Variants in SCHIP1 observed in about 807,000 individuals in gnomAD.
The protein encoded by SCHIP1 is schwannomin-interacting protein 1.
A neutral mutation model predicts 29.7 loss-of-function variants in SCHIP1; 8 were observed. That is an observed-to-expected ratio of 0.27 (90% CI 0.16 to 0.49). SCHIP1 has a LOEUF of 0.49. Ranked by LOEUF, SCHIP1 falls within the 20% of genes least tolerant of loss-of-function variation. The pLI is 0.99. For synonymous variants in SCHIP1, 76 were observed against 94.9 expected (o/e 0.80, Z 1.16); for missense variants, 193 against 294.6 (o/e 0.66, Z 2.52).
At chr3:159,640,509 C>T in the SCHIP1 span, among the ~76,000 whole-genome samples, 7,178 of 152,148 alleles carry the variant, frequency 0.047, 211 homozygotes, top group Non-Finnish European at 0.076. Context: ...CCATATATGG[C>T]CAGATTAGAT....
chr3:159,681,765 T>G, the SCHIP1 span, among the ~76,000 whole-genome samples: 1 of 151,882 alleles, frequency 6.6e-6, no homozygotes, highest in Non-Finnish European at 1.5e-5. Context: ...CCAATGTAGA[T>G]TAACTTGGTT....
chr3:159,646,389 A>C, the SCHIP1 span, among the ~76,000 whole-genome samples: 45 of 152,202 alleles, frequency 3.0e-4, no homozygotes, highest in Non-Finnish European at 5.9e-4. Context: ...GGCTCTCTAC[A>C]TGCAGTCTTT....
the SCHIP1 span, among the ~76,000 whole-genome samples, chr3:159,700,412 A>G: frequency 6.6e-6 from 1 of 152,252 alleles, no homozygotes; most frequent in Non-Finnish European, 1.5e-5. Flanking sequence ...AAAAATCAAT[A>G]GTTGGTGTAA....
chr3:159,358,981 G>C, the SCHIP1 span, among the ~76,000 whole-genome samples: 1 of 136,432 alleles, frequency 7.3e-6, no homozygotes, highest in Non-Finnish European at 1.5e-5. Flanking sequence ...AGGCTGGAGT[G>C]CAGTGTCCCA....
At chr3:159,406,804 C>T in the SCHIP1 span, among the ~76,000 whole-genome samples, 2,496 of 152,136 alleles carry the variant, frequency 0.016, 55 homozygotes, top group African/African-American at 0.056. Flanking sequence ...TGTTTGTTTA[C>T]GCAGTGTTAA....
chr3:159,889,639 T>A (rs1717294342), intron 5 of SCHIP1, among the ~76,000 whole-genome samples: 1 of 152,200 alleles, frequency 6.6e-6, no homozygotes, highest in East Asian at 1.9e-4. Context: ...TATTACAGAT[T>A]AAAAGAAATT....
At chr3:159,895,659 G>A (rs533958300) in intron 6 of SCHIP1, among the ~76,000 whole-genome samples, 2 of 152,168 alleles carry the variant, frequency 1.3e-5, no homozygotes, top group South Asian at 4.2e-4. Flanking sequence ...GGGTTCACAG[G>A]TCATAATAGA....
chr3:159,410,384 A>G, the SCHIP1 span, among the ~76,000 whole-genome samples: 6 of 152,188 alleles, frequency 3.9e-5, no homozygotes, highest in Non-Finnish European at 5.9e-5. Flanking sequence ...CCAATCTGAC[A>G]AGGGATTAAT....
the SCHIP1 span, among the ~76,000 whole-genome samples, chr3:159,701,954 C>T: frequency 6.6e-6 from 1 of 152,100 alleles, no homozygotes; most frequent in African/African-American, 2.4e-5. Flanking sequence ...AGCTTGGTCT[C>T]AATTTACTCA....
the SCHIP1 span, among the ~76,000 whole-genome samples, chr3:159,470,428 C>CA: frequency 6.6e-6 from 1 of 152,054 alleles, no homozygotes; most frequent in African/African-American, 2.4e-5. Flanking sequence ...GATGAATACA[C>CA]AAAAATCTGC....
the SCHIP1 span, among the ~76,000 whole-genome samples, chr3:159,547,275 T>C: frequency 3.9e-5 from 6 of 152,216 alleles, no homozygotes; most frequent in Non-Finnish European, 7.3e-5. Context: ...GGCTGTTTTC[T>C]TCTTGTAAAT....
At chr3:159,810,111 T>C in the SCHIP1 span, among the ~76,000 whole-genome samples, 5 of 152,346 alleles carry the variant, frequency 3.3e-5, no homozygotes, top group South Asian at 1.0e-3. Flanking sequence ...AGTGGCGTGA[T>C]CTCAGCTCAC....
At chr3:159,571,572 A>T in the SCHIP1 span, among the ~76,000 whole-genome samples, 1 of 152,126 alleles carries the variant, frequency 6.6e-6, no homozygotes, top group Non-Finnish European at 1.5e-5. Flanking sequence ...TTCATCAGGG[A>T]TATTGATCTA....
the SCHIP1 span, among the ~76,000 whole-genome samples, chr3:159,784,285 G>T: frequency 6.6e-6 from 1 of 152,218 alleles, no homozygotes; most frequent in Non-Finnish European, 1.5e-5. Flanking sequence ...ATCTGGTCAT[G>T]GGTTAGCAGA....
intron 1 of SCHIP1, among the ~76,000 whole-genome samples, chr3:159,843,548 T>C (rs6788052): frequency 0.77 from 116,571 of 151,792 alleles, 45,871 homozygotes; most frequent in East Asian, 0.99. Context: ...AGGCAGGGCG[T>C]GGTGGCTCAC....
At chr3:159,355,163 G>A in the SCHIP1 span, among the ~76,000 whole-genome samples, 2 of 152,000 alleles carry the variant, frequency 1.3e-5, no homozygotes, top group Admixed American at 1.3e-4. Context: ...GGCTGGATAG[G>A]ACAGCTAGAT....
chr3:159,415,282 G>T, the SCHIP1 span, among the ~76,000 whole-genome samples: 1 of 152,134 alleles, frequency 6.6e-6, no homozygotes. Context: ...GGTAAATAAT[G>T]CATTGCTGGA....
At chr3:159,391,132 G>A in the SCHIP1 span, among the ~76,000 whole-genome samples, 1 of 151,952 alleles carries the variant, frequency 6.6e-6, no homozygotes, top group East Asian at 1.9e-4. Context: ...TAAGGAGTTT[G>A]TTTTAACAGT....
chr3:159,724,060 G>T, the SCHIP1 span, among the ~76,000 whole-genome samples: 21 of 152,084 alleles, frequency 1.4e-4, no homozygotes, highest in Non-Finnish European at 2.4e-4. Flanking sequence ...AGAAGTTCCT[G>T]TATTTTTTCC....
Sources: allele counts gnomAD v4.1 joint callset (sites outside exome capture counted in the v4.1 genomes callset), GRCh38; gene constraint gnomAD v4.1.1; transcripts MANE v1.5; gene names NCBI Gene and HGNC (gene_info 2026-07-23, HGNC 2026-07-21).